MAST4: variants seen among roughly 807,000 people sequenced by gnomAD.
MAST4 encodes the protein microtubule-associated serine/threonine-protein kinase 4.
A neutral mutation model predicts 162.7 loss-of-function variants in MAST4; 89 were observed. The observed-to-expected ratio is 0.55, with a 90% CI of 0.46 to 0.65. The LOEUF is 0.65. Among genes scored for constraint, MAST4 ranks in the 30% least tolerant of loss-of-function variants. The pLI is 0.00. For synonymous variants in MAST4, 1,479 were observed against 1,361.1 expected (o/e 1.09, Z -1.91); for missense variants, 3,153 against 3,374.0 (o/e 0.93, Z 1.62).
At position 67,080,932 on chromosome 5, in the gene MAST4, A is replaced by C. The variant is rs1252682288; in HGVS notation, c.764-9230A>C. 1.0e-4 allele frequency among the ~76,000 whole-genome samples: 14 copies of C among 140,702 alleles called. No homozygotes were observed. The Admixed American group carries it at 1.1e-3, about 11-fold the overall frequency. 92.3% of individuals were successfully genotyped at this position (140,702 alleles called of 152,430 possible). On this transcript the variant is annotated intron_variant, in intron 5 of 28. Transcript: ENST00000403625. ...TTATGGTTAATTAATGTTTTCTTTA[A>C]TTATATATATTATATAATATAATAT...
intron 4 of MAST4, among the ~76,000 whole-genome samples, chr5:67,016,096 G>T (rs138293052): frequency 2.4e-4 from 36 of 152,246 alleles, no homozygotes; most frequent in Non-Finnish European, 2.2e-4. Flanking sequence ...GTAATACAAA[G>T]AATTAGAGTA....
At chr5:66,624,032 G>C (rs989191051) in intron 1 of MAST4, among the ~76,000 whole-genome samples, 2 of 151,494 alleles carry the variant, frequency 1.3e-5, no homozygotes, top group African/African-American at 4.9e-5. Context: ...AAATACTTAG[G>C]AATTAAGGAG....
chr5:67,011,550 C>A (rs1161752297), intron 4 of MAST4, among the ~76,000 whole-genome samples: 1 of 152,142 alleles, frequency 6.6e-6, no homozygotes, highest in Non-Finnish European at 1.5e-5. Flanking sequence ...CCTGGGCTGC[C>A]CTTGCTCCTG....
intron 1 of MAST4, among the ~76,000 whole-genome samples, chr5:66,674,047 G>T (rs2149476702): frequency 6.6e-6 from 1 of 152,290 alleles, no homozygotes; most frequent in South Asian, 2.1e-4. Context: ...TGTTTCTCCA[G>T]AAGAGAACTT....
intron 3 of MAST4, among the ~76,000 whole-genome samples, chr5:66,870,080 C>T (rs1179766786): frequency 6.6e-6 from 1 of 152,122 alleles, no homozygotes; most frequent in Non-Finnish European, 1.5e-5. Flanking sequence ...AGGTGTTATG[C>T]CTTTCCGTGT....
At chr5:66,955,458 C>T (rs893477041) in intron 4 of MAST4, among the ~76,000 whole-genome samples, 15 of 151,842 alleles carry the variant, frequency 9.9e-5, no homozygotes, top group African/African-American at 3.6e-4. Flanking sequence ...ATGAACATAC[C>T]ATATGGAGCT....
rs189698848 is a variant in MAST4 at position 67,014,969 on chromosome 5, C to T, written c.675-39435C>T. 3.3e-5 allele frequency among the ~76,000 whole-genome samples: 5 copies of T among 152,236 alleles called. No homozygotes were observed. The East Asian group carries it at 9.7e-4, about 29-fold the overall frequency. ...ATTTAGAGGTCAAAGAGAACAGATACTGAACTGGTTAGCTATTAATATGAT... is the reference window on the plus strand; with the variant it reads ...ATTTAGAGGTCAAAGAGAACAGATATTGAACTGGTTAGCTATTAATATGAT... On this transcript the variant is annotated intron_variant, in intron 4 of 28. Coordinates refer to ENST00000403625, the MANE Select transcript of MAST4 (RefSeq NM_001164664.2).
At chr5:67,093,092 T>C (rs1416935187) in intron 6 of MAST4, among the ~76,000 whole-genome samples, 1 of 152,238 alleles carries the variant, frequency 6.6e-6, no homozygotes, top group Non-Finnish European at 1.5e-5. Context: ...AGGTTGATAC[T>C]GGAACTTTTC....
chr5:66,596,889 C>A lies in MAST4; in HGVS notation c.234C>A (p.Pro78=), dbSNP rs1742212523. ...GAGGCACCCTGGGCGCCCGGGCGCC[C>A]GCCGCGTGGGCTCCGGCAAGCGTGC... ...PLGGTLGARA[P]AAWAPASVLL... The change falls in exon 1 of 29, where the codon CCC becomes CCA. Residue 78 remains proline (P), a synonymous_variant. Transcript: ENST00000403625. 2 of 1,295,028 alleles carry A rather than the reference C, an allele frequency of 1.5e-6. No homozygotes were observed. The highest frequency in any genetic ancestry group is 2.0e-6 in the Non-Finnish European group (2 of 1,024,442). 80.2% of individuals were successfully genotyped at this position (1,295,028 alleles called of 1,614,324 possible). A position where few individuals can be genotyped will look rare whatever the true frequency, so the allele number is the denominator to read the frequency against.
intron 16 of MAST4, 73 bp downstream of exon 16, chr5:67,132,024 C>T: frequency 6.7e-7 from 1 of 1,483,090 alleles, no homozygotes; most frequent in Non-Finnish European, 9.1e-7. Context: ...AAGATGTTTT[C>T]TTTTAGTCAA....
At chr5:66,872,295 A>G (rs975250529) in intron 3 of MAST4, among the ~76,000 whole-genome samples, 4 of 151,892 alleles carry the variant, frequency 2.6e-5, no homozygotes, top group African/African-American at 9.7e-5. Context: ...TCAGCCTCCC[A>G]AGTAGCTGGG....
chr5:66,820,588 CAT>C (rs1436448733), intron 3 of MAST4, among the ~76,000 whole-genome samples: 6 of 152,098 alleles, frequency 3.9e-5, no homozygotes, highest in Non-Finnish European at 8.8e-5. Flanking sequence ...TAAACACTCT[CAT>C]ATGAAAAAAA....
chr5:67,069,550 C>T (rs1309979483), intron 5 of MAST4, among the ~76,000 whole-genome samples: 1 of 151,978 alleles, frequency 6.6e-6, no homozygotes, highest in Non-Finnish European at 1.5e-5. Flanking sequence ...GATGTGAGGG[C>T]ATGCCCGAGT....
At chr5:66,964,994 T>C (rs540331947) in intron 4 of MAST4, among the ~76,000 whole-genome samples, 13 of 152,330 alleles carry the variant, frequency 8.5e-5, no homozygotes, top group Non-Finnish European at 1.6e-4. Flanking sequence ...TTTAACAAAT[T>C]TGTTTCTTTC....
rs1746298212 is a variant in MAST4 at position 66,991,182 on chromosome 5, C to T, written c.675-63222C>T. On this transcript the variant is annotated intron_variant, in intron 4 of 28. Transcript: ENST00000403625. Reference sequence around the variant, plus strand: ...ATATTCTGGTCTATTCATTTGTTCACTGTTTCCCACTTGTTCTTTCATTTG... The same window carrying T: ...ATATTCTGGTCTATTCATTTGTTCATTGTTTCCCACTTGTTCTTTCATTTG... 2.6e-5 allele frequency among the ~76,000 whole-genome samples: 4 copies of T among 152,192 alleles called. No individual in the cohort carries two copies. In the South Asian group the frequency reaches 8.3e-4, roughly 31 times the overall value.
chr5:66,792,571 C>CTT (rs1189067880), intron 3 of MAST4: 2 of 151,916 alleles, frequency 1.3e-5, no homozygotes, highest in African/African-American at 4.8e-5. Flanking sequence ...AGGTTGAGCA[C>CTT]GATGGTGTGA....
At chr5:67,018,677 T>G (rs974668807) in intron 4 of MAST4, among the ~76,000 whole-genome samples, 2 of 152,150 alleles carry the variant, frequency 1.3e-5, no homozygotes, top group African/African-American at 4.8e-5. Context: ...TAATTTAAGA[T>G]ATAGAGTATG....
intron 23 of MAST4, among the ~76,000 whole-genome samples, 175 bp from the exon 24 acceptor site, chr5:67,149,214 C>T (rs1004189579): frequency 6.6e-6 from 1 of 152,146 alleles, no homozygotes; most frequent in Admixed American, 6.5e-5. Context: ...CTCCACGTCA[C>T]CTTTCTCAAA....
At chr5:67,071,392 A>C (rs1001518307) in intron 5 of MAST4, among the ~76,000 whole-genome samples, 2 of 152,202 alleles carry the variant, frequency 1.3e-5, no homozygotes, top group Non-Finnish European at 2.9e-5. Context: ...TAGATAGATA[A>C]AATCATATAT....
Sources: allele counts gnomAD v4.1 joint callset (sites outside exome capture counted in the v4.1 genomes callset), GRCh38; gene constraint gnomAD v4.1.1; transcripts MANE v1.5; gene names NCBI Gene and HGNC (gene_info 2026-07-23, HGNC 2026-07-21).